The following GLIS1 variants were observed in gnomAD, a reference collection of about 807,000 sequenced individuals.
GLIS1 encodes the protein GLIS family zinc finger 1.
A neutral mutation model predicts 63.8 loss-of-function variants in GLIS1; 24 were observed. The observed-to-expected ratio is 0.38, with a 90% CI of 0.27 to 0.53. The LOEUF is 0.53. GLIS1 is among the 20% of genes least tolerant of loss of function. GLIS1 has a pLI of 0.85. For missense variants in GLIS1, 1,036 were observed against 1,074.1 expected (o/e 0.96, Z 0.50); for synonymous variants, 450 against 482.5 (o/e 0.93, Z 0.88).
At chr1:53,575,178 C>T (rs1031658724) in intron 4 of GLIS1, among the ~76,000 whole-genome samples, 12 of 152,102 alleles carry the variant, frequency 7.9e-5, no homozygotes, top group African/African-American at 2.7e-4. Flanking sequence ...GAACGGAGCA[C>T]AGATTGCAAT....
chr1:53,559,731 C>A (rs533678793), intron 4 of GLIS1, among the ~76,000 whole-genome samples: 3 of 152,312 alleles, frequency 2.0e-5, no homozygotes, highest in Non-Finnish European at 1.5e-5. Context: ...GCCAGCCACC[C>A]GCCATGCACG....
At chr1:53,633,197 T>C (rs1192948410) in intron 2 of GLIS1, among the ~76,000 whole-genome samples, 2 of 140,426 alleles carry the variant, frequency 1.4e-5, no homozygotes, top group African/African-American at 5.5e-5. Context: ...CTGTGAGGTG[T>C]GAATGTGACT....
intron 2 of GLIS1, among the ~76,000 whole-genome samples, chr1:53,666,330 A>C (rs1326012746): frequency 1.3e-5 from 2 of 152,212 alleles, no homozygotes; most frequent in Non-Finnish European, 2.9e-5. Context: ...GGGCTCAGCT[A>C]GTAGGAGGTG....
chr1:53,641,522 AC>A (rs1271391295), intron 2 of GLIS1, among the ~76,000 whole-genome samples: 8 of 152,128 alleles, frequency 5.3e-5, no homozygotes, highest in Admixed American at 6.5e-5. Flanking sequence ...TGACTGTGTG[AC>A]CTTGAAGAAC....
intron 4 of GLIS1, among the ~76,000 whole-genome samples, chr1:53,580,312 G>T (rs979037637): frequency 6.6e-6 from 1 of 152,192 alleles, no homozygotes; most frequent in East Asian, 1.9e-4. Flanking sequence ...AGCCCTACAG[G>T]CCTCCCTACC....
At chr1:53,575,085 G>A (rs1181920259) in intron 4 of GLIS1, among the ~76,000 whole-genome samples, 1 of 152,178 alleles carries the variant, frequency 6.6e-6, no homozygotes, top group South Asian at 2.1e-4. Flanking sequence ...GAGAAAAGGG[G>A]TTATTAAACC....
rs1431340354 is a variant in GLIS1 at position 53,560,650 on chromosome 1, G to A, written c.1321-30698C>T. Reference sequence around the variant, plus strand: ...GCATCACTGGCTTTGCACTGCCTTTGGCAAACACTTGTTGCGGGCCGTGTG... The same window carrying A: ...GCATCACTGGCTTTGCACTGCCTTTAGCAAACACTTGTTGCGGGCCGTGTG... On this transcript the variant is annotated intron_variant, in intron 4 of 10. Transcript: ENST00000628545. This position sits in a 1 kb window ranked among gnomAD's most constrained non-coding sequence, Gnocchi z 4.4. Among the ~76,000 whole-genome samples, 1 of 152,204 alleles carries A rather than the reference G, an allele frequency of 6.6e-6. No individual in the cohort carries two copies. Among genetic ancestry groups the A allele is most frequent in the Non-Finnish European group, 1.5e-5 (1 of 68,030 alleles).
chr1:53,539,724 C>A lies in GLIS1; in HGVS notation c.1321-9772G>T, dbSNP rs936475512. Among the ~76,000 whole-genome samples the A allele has an allele frequency of 2.0e-5, 3 of 152,188 alleles. No homozygotes were observed. The highest frequency in any genetic ancestry group is 7.2e-5 in the African/African-American group (3 of 41,432). On this transcript the variant is annotated intron_variant, in intron 4 of 10. Coordinates refer to ENST00000628545, the MANE Select transcript of GLIS1 (RefSeq NM_001367484.1). This position sits in a 1 kb window ranked among gnomAD's most constrained non-coding sequence, Gnocchi z 5.0. Reference sequence around the variant, plus strand: ...CCCACCCACCAGCCACACCGACACACTGCCCCACGCATAGCACAGCACACG... The same window carrying A: ...CCCACCCACCAGCCACACCGACACAATGCCCCACGCATAGCACAGCACACG...
At chr1:53,513,684 A>T (rs2100265685) in intron 8 of GLIS1, among the ~76,000 whole-genome samples, 1 of 152,296 alleles carries the variant, frequency 6.6e-6, no homozygotes, top group South Asian at 2.1e-4. Flanking sequence ...AAGCATCTCC[A>T]GGGCCAGAGT....
chr1:53,515,273 T>C (rs1231056039), intron 7 of GLIS1, among the ~76,000 whole-genome samples: 1 of 152,076 alleles, frequency 6.6e-6, no homozygotes, highest in African/African-American at 2.4e-5. Flanking sequence ...GGCTCGGCAG[T>C]GCCTTCTAAC....
intron 2 of GLIS1, among the ~76,000 whole-genome samples, chr1:53,688,096 G>A (rs1169742055): frequency 6.6e-6 from 1 of 152,214 alleles, no homozygotes; most frequent in Non-Finnish European, 1.5e-5. Context: ...GCCCCAGCGC[G>A]TTTCCTGCTC....
At chr1:53,658,652 G>A (rs1479595842) in intron 2 of GLIS1, among the ~76,000 whole-genome samples, 1 of 152,182 alleles carries the variant, frequency 6.6e-6, no homozygotes, top group African/African-American at 2.4e-5. Context: ...CCTCAGGTGG[G>A]TCCTCTGGGC....
intron 2 of GLIS1, among the ~76,000 whole-genome samples, chr1:53,732,814 AAT>A (rs1363570920): frequency 2.6e-5 from 4 of 151,978 alleles, no homozygotes; most frequent in East Asian, 1.9e-4. Flanking sequence ...AAAAAAAAAA[AAT>A]AACAAACCAC....
chr1:53,515,747 C>T (rs1321833534), intron 7 of GLIS1, among the ~76,000 whole-genome samples: 1 of 149,718 alleles, frequency 6.7e-6, no homozygotes, highest in African/African-American at 2.5e-5. Context: ...AAATAAACTC[C>T]TACTCTGGGA....
intron 4 of GLIS1, among the ~76,000 whole-genome samples, chr1:53,582,837 G>A (rs760369416): frequency 3.3e-5 from 5 of 152,164 alleles, no homozygotes; most frequent in Non-Finnish European, 4.4e-5. Flanking sequence ...CCAGGCAGTC[G>A]GCCTTGTGGC....
chr1:53,709,570 G>A (rs920163042), intron 2 of GLIS1, among the ~76,000 whole-genome samples: 8 of 151,716 alleles, frequency 5.3e-5, no homozygotes, highest in African/African-American at 1.9e-4. Flanking sequence ...ATGGGTAAAT[G>A]GGCAAATGGA....
At chr1:53,541,457 C>T (rs1031703539) in intron 4 of GLIS1, among the ~76,000 whole-genome samples, 2 of 152,246 alleles carry the variant, frequency 1.3e-5, no homozygotes, top group African/African-American at 4.8e-5. Context: ...CATCTCACGG[C>T]CATATGTGCA....
chr1:53,639,599 G>A lies in GLIS1; in HGVS notation c.260-39321C>T, dbSNP rs150593327. 0.012 allele frequency among the ~76,000 whole-genome samples: 1,774 copies of A among 152,272 alleles called. 18 individuals are homozygous for A. Among genetic ancestry groups the A allele is most frequent in the Non-Finnish European group, 0.019 (1,310 of 68,022 alleles). ...AGGCCTAGAGCTGGATCCACCAGAG[G>A]GTGACGATAATATTTTCTTTCCTGT... On this transcript the variant is annotated intron_variant, in intron 2 of 10. Coordinates refer to ENST00000628545, the MANE Select transcript of GLIS1 (RefSeq NM_001367484.1). The surrounding 1 kb of genome is among the most constrained non-coding windows in gnomAD (Gnocchi z 4.6).
At position 53,529,815 on chromosome 1, in the gene GLIS1, C is replaced by G; in HGVS notation, c.1458G>C (p.Lys486Asn). Residue 486 changes from lysine to asparagine, a missense_variant, in exon 5 of 11, where the codon AAG becomes AAC. By Grantham distance (94) the Lys-to-Asn change is moderately conservative (BLOSUM62 0). Transcript: ENST00000628545. Reference sequence around the variant, plus strand: ...CCGTGTCTAGGTGGGTGCGCTGGTGCTTGGCGCGGTCGCTGGAGTTGCTGA... The same window carrying G: ...CCGTGTCTAGGTGGGTGCGCTGGTGGTTGGCGCGGTCGCTGGAGTTGCTGA... Reference protein sequence around the residue: ...KAFSNSSDRAKHQRTHLDTKP... With the variant: ...KAFSNSSDRANHQRTHLDTKP... 6.2e-7 allele frequency: 1 copy of G among 1,613,030 alleles called. No individual in the cohort carries two copies. The highest frequency in any genetic ancestry group is 8.5e-7 in the Non-Finnish European group (1 of 1,179,958).
Sources: allele counts gnomAD v4.1 joint callset (sites outside exome capture counted in the v4.1 genomes callset), GRCh38; gene constraint gnomAD v4.1.1; non-coding constraint Gnocchi (gnomAD v3.1); transcripts MANE v1.5; gene names NCBI Gene and HGNC (gene_info 2026-07-23, HGNC 2026-07-21).